Variants in RABGAP1 observed in about 807,000 individuals in gnomAD.
RABGAP1 encodes RAB GTPase activating protein 1.
A neutral mutation model predicts 137.6 loss-of-function variants in RABGAP1; 23 were observed. The ratio of observed to expected loss-of-function variants is 0.17; its 90% confidence interval spans 0.12 to 0.24. The LOEUF is 0.24. Among genes scored for constraint, RABGAP1 ranks in the 10% least tolerant of loss-of-function variants. The pLI, the probability that RABGAP1 is intolerant of heterozygous loss-of-function variation, is 1.00. For missense variants in RABGAP1, 906 were observed against 1,275.8 expected, an observed-to-expected ratio of 0.71 and a Z score of 4.42; for synonymous variants, 451 against 450.7, an observed-to-expected ratio of 1.00 and a Z score of -0.01.
intron 2 of RABGAP1, among the ~76,000 whole-genome samples, chr9:122,968,626 T>G (rs576103913): frequency 1.3e-5 from 2 of 152,248 alleles, no homozygotes; most frequent in South Asian, 4.1e-4. Flanking sequence ...TTATTGTTAC[T>G]ATTTTTGAGA....
intron 13 of RABGAP1, among the ~76,000 whole-genome samples, chr9:123,023,017 C>A (rs1339634607): frequency 6.6e-6 from 1 of 152,128 alleles, no homozygotes; most frequent in Non-Finnish European, 1.5e-5. Context: ...AGCTCCATGA[C>A]ATTTTACATA....
intron 13 of RABGAP1, among the ~76,000 whole-genome samples, chr9:123,024,660 G>A (rs1337669757): frequency 2.6e-5 from 4 of 151,888 alleles, no homozygotes; most frequent in Admixed American, 6.6e-5. Context: ...GGCTGGTCTC[G>A]AACTCCCGAC....
intron 13 of RABGAP1, among the ~76,000 whole-genome samples, chr9:123,025,374 C>G (rs1290378137): frequency 6.6e-6 from 1 of 152,130 alleles, no homozygotes; most frequent in East Asian, 1.9e-4. Context: ...CAAATTTAAT[C>G]TGCCATAAAA....
At chr9:122,990,470 A>T (rs997783848) in intron 6 of RABGAP1, 1 of 235,602 alleles carries the variant, frequency 4.2e-6, no homozygotes, top group Non-Finnish European at 8.2e-6. Flanking sequence ...CTAACTGCTC[A>T]CAAAAATATG....
chr9:123,005,261 C>G (rs2167128), intron 10 of RABGAP1, among the ~76,000 whole-genome samples: 31,945 of 148,010 alleles, frequency 0.22, 4,694 homozygotes, highest in East Asian at 0.65. Flanking sequence ...TCATTTGTTT[C>G]CATTTATTTT....
At position 123,103,283 on chromosome 9, in the gene RABGAP1, T is replaced by G; in HGVS notation, c.*70T>G. On this transcript the variant is annotated 3_prime_UTR_variant, in exon 26 of 26. Transcript: ENST00000373647. ...TTGTTGCCTTCTTTGGCCAGATGTGTGATTCTGTGACTTGTCCCAGGACCA... is the reference window on the plus strand; with the variant it reads ...TTGTTGCCTTCTTTGGCCAGATGTGGGATTCTGTGACTTGTCCCAGGACCA... 6.3e-7 allele frequency: 1 copy of G among 1,589,714 alleles called. No homozygotes were observed. The highest frequency in any genetic ancestry group is 8.6e-7 in the Non-Finnish European group (1 of 1,168,398).
Position 123,046,553 on chromosome 9 carries a change from C to G in RABGAP1, c.1795-18795C>G, listed in dbSNP as rs190955967. On this transcript the variant is annotated intron_variant, in intron 13 of 25. Coordinates refer to ENST00000373647, the MANE Select transcript of RABGAP1 (RefSeq NM_012197.4). The stretch of plus-strand genomic sequence containing the variant: ...GGCAAAGTACATAATCGTTCTAAGT[C>G]TCAGTTGTCTTAACTAATGACACTG... Among the ~76,000 whole-genome samples the G allele has an allele frequency of 5.1e-4, 78 of 152,292 alleles. 2 individuals carry two copies. In the South Asian group the frequency reaches 5.2e-3, roughly 10 times the overall value.
At position 123,061,147 on chromosome 9, in the gene RABGAP1, T is replaced by G. The variant is rs927871400; in HGVS notation, c.1795-4201T>G. On this transcript the variant is annotated intron_variant, in intron 13 of 25. Transcript: ENST00000373647. The stretch of plus-strand genomic sequence containing the variant: ...TGTTATTGTTGTATAAGACAGGCTC[T>G]CTCTCTTACTGCCCAGGCTGGAGCA... Among the ~76,000 whole-genome samples, 6 of 152,174 alleles carry G rather than the reference T, an allele frequency of 3.9e-5. 1 individual carries two copies. The South Asian group carries it at 1.0e-3, about 26-fold the overall frequency.
chr9:123,081,565 T>C (rs116184763), intron 19 of RABGAP1, among the ~76,000 whole-genome samples: 1 of 152,234 alleles, frequency 6.6e-6, no homozygotes, highest in Admixed American at 6.5e-5. Flanking sequence ...GCCTCTCAAG[T>C]AGCTGCGAGT....
chr9:122,983,517 G>A (rs1434708644), intron 2 of RABGAP1, among the ~76,000 whole-genome samples: 1 of 152,102 alleles, frequency 6.6e-6, no homozygotes, highest in Non-Finnish European at 1.5e-5. Flanking sequence ...TACTTGAATT[G>A]GATTTCTTGG....
At chr9:123,064,329 A>C (rs2034097452) in intron 13 of RABGAP1, among the ~76,000 whole-genome samples, 2 of 152,252 alleles carry the variant, frequency 1.3e-5, no homozygotes, top group Non-Finnish European at 2.9e-5. Flanking sequence ...ATTTGGCGAC[A>C]TCCTTGAAGG....
At chr9:122,944,700 A>G (rs995045843) in intron 1 of RABGAP1, among the ~76,000 whole-genome samples, 3 of 151,494 alleles carry the variant, frequency 2.0e-5, no homozygotes, top group Non-Finnish European at 2.9e-5. Flanking sequence ...CTTCCCGAGT[A>G]GCTGGGACTA....
At chr9:122,942,161 C>CAA (rs1313566655) in intron 1 of RABGAP1, among the ~76,000 whole-genome samples, 1 of 151,112 alleles carries the variant, frequency 6.6e-6, no homozygotes, top group East Asian at 1.9e-4. Flanking sequence ...GTTTCGGAAA[C>CAA]AAAAAACAAA....
At chr9:123,016,807 A>G (rs1190565224) in intron 12 of RABGAP1, among the ~76,000 whole-genome samples, 1 of 152,184 alleles carries the variant, frequency 6.6e-6, no homozygotes, top group Non-Finnish European at 1.5e-5. Context: ...GCATTGTTAG[A>G]ATAAAGCTGT....
intron 17 of RABGAP1, among the ~76,000 whole-genome samples, chr9:123,075,848 G>C (rs2034492006): frequency 6.6e-6 from 1 of 152,162 alleles, no homozygotes; most frequent in Non-Finnish European, 1.5e-5. Context: ...AGCAGATTCA[G>C]TTCTGGAATA....
At chr9:122,982,048 CAAAAA>C (rs761154597) in intron 2 of RABGAP1, among the ~76,000 whole-genome samples, 2 of 73,620 alleles carry the variant, frequency 2.7e-5, no homozygotes, top group African/African-American at 1.0e-4. Flanking sequence ...GACTCTGTCT[CAAAAA>C]AAAAAAAAAA....
In RABGAP1 at chr9:123,103,297, G is replaced by T; in HGVS notation, c.*84G>T. On this transcript the variant is annotated 3_prime_UTR_variant, in exon 26 of 26. Coordinates refer to ENST00000373647, the MANE Select transcript of RABGAP1 (RefSeq NM_012197.4). ...GGCCAGATGTGTGATTCTGTGACTTGTCCCAGGACCAGAATGTACCTAAGT... is the reference window on the plus strand; with the variant it reads ...GGCCAGATGTGTGATTCTGTGACTTTTCCCAGGACCAGAATGTACCTAAGT... 1 of 1,571,294 alleles carries T rather than the reference G, an allele frequency of 6.4e-7. No homozygotes were observed.
intron 13 of RABGAP1, among the ~76,000 whole-genome samples, chr9:123,041,843 A>G (rs1286829924): frequency 6.6e-6 from 1 of 152,230 alleles, no homozygotes; most frequent in Non-Finnish European, 1.5e-5. Flanking sequence ...ACTAAAAAAC[A>G]AGAATTGATA....
chr9:123,054,041 G>C (rs1398631100), intron 13 of RABGAP1, among the ~76,000 whole-genome samples: 1 of 152,154 alleles, frequency 6.6e-6, no homozygotes, highest in Non-Finnish European at 1.5e-5. Flanking sequence ...TTAACTAATG[G>C]AAGACTTTTA....
Sources: gnomAD v4.1 joint callset for allele counts (sites outside exome capture counted in the v4.1 genomes callset) on GRCh38, gnomAD v4.1.1 for gene constraint, MANE v1.5 for transcripts, NCBI Gene and HGNC (gene_info 2026-07-23, HGNC 2026-07-21) for gene names.